The following TDRD9 variants were observed in gnomAD, a reference collection of about 807,000 sequenced individuals.
TDRD9 encodes ATP-dependent RNA helicase TDRD9.
A neutral mutation model predicts 172.6 loss-of-function variants in TDRD9; 124 were observed. That is an observed-to-expected ratio of 0.72 (90% CI 0.62 to 0.83). The LOEUF (loss-of-function observed/expected upper bound fraction) is 0.83. Ranked by LOEUF, TDRD9 falls within the 40% of genes least tolerant of loss-of-function variation. The pLI is 0.00. For missense variants in TDRD9, 1,479 were observed against 1,714.1 expected (o/e 0.86, Z 2.42); for synonymous variants, 619 against 617.1 (o/e 1.00, Z -0.05).
In TDRD9 at chr14:103,986,216, G is replaced by GCT. The variant is rs1369513757; in HGVS notation, c.1017_1018dup (p.Pro340LeufsTer9). 1 of 1,611,170 alleles carries GCT rather than the reference G, an allele frequency of 6.2e-7. No homozygotes were observed. Among genetic ancestry groups the GCT allele is most frequent in the Non-Finnish European group, 8.5e-7 (1 of 1,178,824 alleles). ...CGACTTTTTTCTTTCACTGTTTTTA[G>GCT]CTCTCTCCTCATCTCCTGGAGGAAC... On this transcript the variant is annotated frameshift_variant and splice_region_variant. Coordinates refer to ENST00000409874, the MANE Select transcript of TDRD9 (RefSeq NM_153046.3). LOFTEE classifies it high-confidence loss of function.
intron 35 of TDRD9, 81 bp downstream of exon 35, chr14:104,049,761 C>A: frequency 2.4e-6 from 3 of 1,244,998 alleles, no homozygotes; most frequent in African/African-American, 1.5e-5. Context: ...GGGTTCAGAG[C>A]CAGGGCTGGC....
intron 8 of TDRD9, 75 bp from the exon 9 acceptor site, chr14:103,991,085 T>C (rs2152196872): frequency 6.4e-7 from 1 of 1,552,028 alleles, no homozygotes; most frequent in Non-Finnish European, 8.9e-7. Context: ...TAAAAGCCTG[T>C]AATATTAGGA....
At chr14:103,967,584 T>C (rs1380283373) in intron 5 of TDRD9, among the ~76,000 whole-genome samples, 2 of 152,116 alleles carry the variant, frequency 1.3e-5, no homozygotes, top group African/African-American at 4.8e-5. Flanking sequence ...GGGTAGTGTC[T>C]CTGCACTCTA....
At chr14:104,048,464 GT>G (rs1433423646) in intron 34 of TDRD9, among the ~76,000 whole-genome samples, 1 of 152,056 alleles carries the variant, frequency 6.6e-6, no homozygotes, top group African/African-American at 2.4e-5. Flanking sequence ...TGTTGTCCTT[GT>G]ATCTGATCTG....
intron 19 of TDRD9, 36 bp from the exon 20 acceptor site, chr14:104,008,377 C>G: frequency 8.4e-7 from 1 of 1,195,520 alleles, no homozygotes; most frequent in Non-Finnish European, 1.2e-6. Flanking sequence ...AATTTATTAC[C>G]TTAATATTGA....
chr14:103,937,161 A>T (rs2030821875), intron 1 of TDRD9, among the ~76,000 whole-genome samples: 1 of 152,032 alleles, frequency 6.6e-6, no homozygotes, highest in Non-Finnish European at 1.5e-5. Flanking sequence ...CACATGTGTG[A>T]TCTCCTGTGG....
At chr14:104,006,981 GTTAAA>G in intron 18 of TDRD9, 136 bp downstream of exon 18, 2 of 988,344 alleles carry the variant, frequency 2.0e-6, no homozygotes, top group Non-Finnish European at 3.0e-6. Context: ...GGTGTCCAGT[GTTAAA>G]TTAACCGTGC....
chr14:104,000,244 C>CTTGATCCTGGGAGGTAGAGG (rs1391906377), intron 13 of TDRD9, among the ~76,000 whole-genome samples: 4 of 148,874 alleles, frequency 2.7e-5, no homozygotes, highest in African/African-American at 1.0e-4. Context: ...GGGAGGATCA[C>CTTGATCCTGGGAGGTAGAGG]TTGAGCCTGG....
At chr14:104,048,804 C>T (rs1043719405) in intron 34 of TDRD9, among the ~76,000 whole-genome samples, 1 of 152,166 alleles carries the variant, frequency 6.6e-6, no homozygotes, top group Non-Finnish European at 1.5e-5. Flanking sequence ...AAGCTATGGG[C>T]TTTCCCCATC....
At position 104,022,194 on chromosome 14, in the gene TDRD9, T is replaced by G; in HGVS notation, c.2470T>G (p.Phe824Val). Residue 824 changes from phenylalanine to valine, a missense_variant, in exon 24 of 36, where the codon TTT becomes GTT. This residue lies in a region of TDRD9 where 1,413 missense variants were observed against 1,649.1 expected (regional missense o/e 0.86). Coordinates refer to ENST00000409874, the MANE Select transcript of TDRD9 (RefSeq NM_153046.3). ...ATTCTCACGAAATCCAACAGAGAGA[T>G]TTAAAACCCTTCCTGCAGTATATAT... Reference protein sequence around the residue: ...VEFSRNPTERFKTLPAVYMAI... With the variant: ...VEFSRNPTERVKTLPAVYMAI... 1.9e-6 allele frequency: 3 copies of G among 1,569,944 alleles called. No individual in the cohort carries two copies. The highest frequency in any genetic ancestry group is 2.6e-6 in the Non-Finnish European group (3 of 1,157,248).
chr14:103,966,540 A>C (rs537718383), intron 4 of TDRD9, among the ~76,000 whole-genome samples, 169 bp from the exon 5 acceptor site: 8 of 151,700 alleles, frequency 5.3e-5, no homozygotes, highest in South Asian at 2.1e-4. Flanking sequence ...CCCTCCCCCC[A>C]AAAAAGAAGA....
At chr14:104,035,385 A>G (rs1468654608) in intron 32 of TDRD9, among the ~76,000 whole-genome samples, 1 of 152,218 alleles carries the variant, frequency 6.6e-6, no homozygotes, top group Non-Finnish European at 1.5e-5. Flanking sequence ...TGGGTGGTGA[A>G]TGTGATTCCA....
At chr14:104,004,436 A>G in intron 14 of TDRD9, 101 bp downstream of exon 14, 3 of 606,268 alleles carry the variant, frequency 4.9e-6, no homozygotes, top group Non-Finnish European at 8.6e-6. Flanking sequence ...ACTGGAGTGC[A>G]CTGGCATGAT....
At chr14:104,051,117 C>T (rs909399148) in intron 35 of TDRD9, among the ~76,000 whole-genome samples, 4 of 152,088 alleles carry the variant, frequency 2.6e-5, no homozygotes, top group Non-Finnish European at 4.4e-5. Flanking sequence ...TCCTTGCCTC[C>T]CTCCCCCATC....
chr14:103,995,548 G>A (rs1017702554), intron 11 of TDRD9, among the ~76,000 whole-genome samples: 2 of 152,198 alleles, frequency 1.3e-5, no homozygotes, highest in South Asian at 4.1e-4. Flanking sequence ...CCTTTGCTGT[G>A]TTGTATGTGG....
intron 13 of TDRD9, among the ~76,000 whole-genome samples, chr14:104,002,544 C>G (rs1189764857): frequency 6.6e-6 from 1 of 151,994 alleles, no homozygotes; most frequent in Non-Finnish European, 1.5e-5. Flanking sequence ...GGCATTGGTC[C>G]TCTTTGAATG....
chr14:104,040,263 G>A lies in TDRD9; in HGVS notation c.3784G>A (p.Ala1262Thr). 2.6e-6 allele frequency: 4 copies of A among 1,551,504 alleles called. No individual in the cohort carries two copies. The highest frequency in any genetic ancestry group is 2.4e-5 in the East Asian group (1 of 40,906). ...CGLGWNPATG[A>T]SILPEHDMEL... ...TTTGGGGTGGAATCCAGCTACAGGG[G>A]CTTCCATACTGCCCGAGCACGACAT... Residue 1262 changes from alanine (A) to threonine (T), a missense_variant, in exon 33 of 36, where the codon GCT becomes ACT. Ala to Thr is a moderately conservative substitution (Grantham distance 58). This residue lies in a region of TDRD9 where 1,413 missense variants were observed against 1,649.1 expected (regional missense o/e 0.86). Transcript: ENST00000409874.
chr14:104,031,342 G>T, intron 29 of TDRD9, 79 bp downstream of exon 29: 2 of 1,286,082 alleles, frequency 1.6e-6, no homozygotes, highest in Non-Finnish European at 2.1e-6. Context: ...GTAGTCAGTA[G>T]TCATGGTGGT....
intron 6 of TDRD9, among the ~76,000 whole-genome samples, chr14:103,972,093 G>T (rs912683703): frequency 1.3e-5 from 2 of 152,128 alleles, no homozygotes; most frequent in Non-Finnish European, 2.9e-5. Context: ...GGTCCAGGCT[G>T]CAGTGAACTG....
Sources: gnomAD v4.1 joint callset for allele counts (sites outside exome capture counted in the v4.1 genomes callset) on GRCh38, gnomAD v4.1.1 for gene constraint, gnomAD v4.1.1 regional missense constraint, MANE v1.5 for transcripts, NCBI Gene and HGNC (gene_info 2026-07-23, HGNC 2026-07-21) for gene names.